Variants in MNAT1 observed in about 807,000 individuals in gnomAD.
MNAT1 encodes the protein CDK-activating kinase assembly factor MAT1.
A neutral mutation model predicts 42.0 loss-of-function variants in MNAT1; 43 were observed. The observed-to-expected ratio is 1.02, with a 90% CI of 0.80 to 1.32. The LOEUF is 1.32. Among genes scored for constraint, MNAT1 ranks in the 40% most tolerant of loss-of-function variants. The pLI is 0.00. For synonymous variants in MNAT1, 118 were observed against 120.0 expected, an observed-to-expected ratio of 0.98 and a Z score of 0.11; for missense variants, 306 against 350.4, an observed-to-expected ratio of 0.87 and a Z score of 1.01.
chr14:60,741,657 G>GTT (rs1566747118), intron 1 of MNAT1, among the ~76,000 whole-genome samples: 15 of 20,890 alleles, frequency 7.2e-4, no homozygotes, highest in African/African-American at 1.6e-3. Context: ...CTGCGCCTGG[G>GTT]GTTTTTTTTT....
intron 1 of MNAT1, chr14:60,753,769 G>GGAAT (rs1240946370): frequency 6.6e-6 from 1 of 152,156 alleles, no homozygotes; most frequent in East Asian, 1.9e-4. Flanking sequence ...ATTTATCACT[G>GGAAT]GAATACCTTG....
At chr14:60,934,357 G>A (rs1429044357) in intron 7 of MNAT1, among the ~76,000 whole-genome samples, 1 of 152,036 alleles carries the variant, frequency 6.6e-6, no homozygotes, top group Non-Finnish European at 1.5e-5. Flanking sequence ...ATTTCATCCT[G>A]GTATCTGCAC....
intron 7 of MNAT1, among the ~76,000 whole-genome samples, chr14:60,884,965 C>T (rs540701601): frequency 1.2e-4 from 19 of 152,052 alleles, no homozygotes; most frequent in Admixed American, 1.3e-4. Flanking sequence ...ACATTTTCAC[C>T]GGATATACTA....
At chr14:60,920,799 TG>T (rs1413591050) in intron 7 of MNAT1, among the ~76,000 whole-genome samples, 2 of 152,202 alleles carry the variant, frequency 1.3e-5, no homozygotes, top group Non-Finnish European at 2.9e-5. Flanking sequence ...TCATTAAGTT[TG>T]TAGAAATTGT....
At chr14:60,857,052 G>T (rs756857636) in intron 6 of MNAT1, among the ~76,000 whole-genome samples, 2 of 152,140 alleles carry the variant, frequency 1.3e-5, no homozygotes. Flanking sequence ...TCTAAAATGG[G>T]CGCAACCAAG....
At chr14:60,885,934 G>C (rs1379623341) in intron 7 of MNAT1, among the ~76,000 whole-genome samples, 1 of 151,904 alleles carries the variant, frequency 6.6e-6, no homozygotes, top group Admixed American at 6.6e-5. Context: ...TTGAGTTGAT[G>C]TTTTTTAATA....
At chr14:60,901,048 A>T in intron 7 of MNAT1, among the ~76,000 whole-genome samples, 1 of 147,352 alleles carries the variant, frequency 6.8e-6, no homozygotes, top group South Asian at 2.2e-4. Flanking sequence ...AAAAAAGTCA[A>T]TGCCTGTTTC....
At chr14:60,962,469 T>A (rs1270938655) in intron 7 of MNAT1, among the ~76,000 whole-genome samples, 1 of 152,188 alleles carries the variant, frequency 6.6e-6, no homozygotes, top group Non-Finnish European at 1.5e-5. Flanking sequence ...AACAACATTG[T>A]TCATAGAATA....
At chr14:60,915,461 T>A (rs1340315973) in intron 7 of MNAT1, among the ~76,000 whole-genome samples, 3 of 152,220 alleles carry the variant, frequency 2.0e-5, no homozygotes, top group Admixed American at 2.0e-4. Context: ...GATTGCCATG[T>A]TTTTGGTGTC....
intron 1 of MNAT1, among the ~76,000 whole-genome samples, chr14:60,778,830 G>T (rs2031344208): frequency 6.6e-6 from 1 of 152,168 alleles, no homozygotes; most frequent in Non-Finnish European, 1.5e-5. Context: ...CCATCATATG[G>T]ATATTCATTA....
chr14:60,823,831 C>A (rs896468619), intron 6 of MNAT1, among the ~76,000 whole-genome samples: 1 of 151,344 alleles, frequency 6.6e-6, no homozygotes, highest in Non-Finnish European at 1.5e-5. Context: ...TGCACCCTAG[C>A]CTGGGCAACA....
rs1300879412 is a variant in MNAT1, at chr14:60,860,760, A to G, written c.688-18954A>G. On this transcript the variant is annotated intron_variant, in intron 6 of 7. Coordinates refer to ENST00000261245, the MANE Select transcript of MNAT1 (RefSeq NM_002431.4). ...TTGTGTTGGTCTAAGGGCACATTTAATATGGGGAGTCATAGGCTGATAGTG... is the reference window on the plus strand; with the variant it reads ...TTGTGTTGGTCTAAGGGCACATTTAGTATGGGGAGTCATAGGCTGATAGTG... 3.9e-5 allele frequency among the ~76,000 whole-genome samples: 6 copies of G among 152,284 alleles called. No homozygotes were observed. The East Asian group carries it at 9.6e-4, about 24-fold the overall frequency.
chr14:60,908,227 G>A (rs10148902), intron 7 of MNAT1, among the ~76,000 whole-genome samples: 140,794 of 152,300 alleles, frequency 0.92, 65,616 homozygotes, highest in Non-Finnish European at 0.99. Flanking sequence ...ATTATTTTAC[G>A]TTTAAATTTT....
At position 60,885,703 on chromosome 14, in the gene MNAT1, T is replaced by C. The variant is rs183400322; in HGVS notation, c.809+5868T>C. 2.0e-3 allele frequency among the ~76,000 whole-genome samples: 307 copies of C among 152,192 alleles called. 1 individual carries two copies. The highest frequency in any genetic ancestry group is 6.5e-3 in the African/African-American group (271 of 41,578). Reference sequence around the variant, plus strand: ...GTTTGTATAGTTTGCAAATATATTTTCCCAATGTGTAGGTTGGTTTTTCAT... The same window carrying C: ...GTTTGTATAGTTTGCAAATATATTTCCCCAATGTGTAGGTTGGTTTTTCAT... On this transcript the variant is annotated intron_variant, in intron 7 of 7. Transcript: ENST00000261245.
intron 7 of MNAT1, among the ~76,000 whole-genome samples, chr14:60,941,564 G>T (rs2036159555): frequency 3.3e-5 from 5 of 151,942 alleles, no homozygotes; most frequent in Admixed American, 3.3e-4. Context: ...AACTTAGCCA[G>T]GTATGGTGGT....
At chr14:60,747,192 G>A (rs986838836) in intron 1 of MNAT1, among the ~76,000 whole-genome samples, 7 of 151,548 alleles carry the variant, frequency 4.6e-5, no homozygotes, top group Non-Finnish European at 7.4e-5. Context: ...CACCATGTTA[G>A]CCAGGATGGT....
intron 7 of MNAT1, among the ~76,000 whole-genome samples, chr14:60,931,611 T>G (rs995918491): frequency 5.3e-5 from 8 of 152,136 alleles, no homozygotes; most frequent in Non-Finnish European, 1.2e-4. Flanking sequence ...TTCTCTAACT[T>G]TTTTCTTATT....
At chr14:60,849,652 A>G (rs2033771456) in intron 6 of MNAT1, among the ~76,000 whole-genome samples, 1 of 152,148 alleles carries the variant, frequency 6.6e-6, no homozygotes, top group Admixed American at 6.6e-5. Flanking sequence ...TTTTTTACAG[A>G]TATGATCACT....
At chr14:60,951,847 T>A (rs942519986) in intron 7 of MNAT1, among the ~76,000 whole-genome samples, 1 of 152,112 alleles carries the variant, frequency 6.6e-6, no homozygotes, top group Non-Finnish European at 1.5e-5. Context: ...CATACTGTTA[T>A]AGAGATTCAT....
Sources: gnomAD v4.1 joint callset for allele counts (sites outside exome capture counted in the v4.1 genomes callset) on GRCh38, gnomAD v4.1.1 for gene constraint, MANE v1.5 for transcripts, NCBI Gene and HGNC (gene_info 2026-07-23, HGNC 2026-07-21) for gene names.